Variants in SLC44A5 observed in about 807,000 individuals in gnomAD.
The protein encoded by SLC44A5 is solute carrier family 44 member 5.
Under a neutral mutation model 101.8 loss-of-function variants are expected in SLC44A5, and 57 were observed. The observed-to-expected ratio is 0.56, with a 90% CI of 0.45 to 0.70. SLC44A5 has a LOEUF of 0.70. Among genes scored for constraint, SLC44A5 ranks in the 30% least tolerant of loss-of-function variants. The pLI is 0.00. For missense variants in SLC44A5, 737 were observed against 853.1 expected (o/e 0.86, Z 1.70); for synonymous variants, 281 against 290.9 (o/e 0.97, Z 0.35).
intron 2 of SLC44A5, among the ~76,000 whole-genome samples, chr1:75,437,772 A>G (rs1026444005): frequency 2.6e-4 from 39 of 152,136 alleles, no homozygotes; most frequent in African/African-American, 9.4e-4. Flanking sequence ...TAAGCTTCTG[A>G]AAATTTACCA....
chr1:75,448,901 C>CGT (rs1460140722), intron 2 of SLC44A5, among the ~76,000 whole-genome samples: 1 of 152,168 alleles, frequency 6.6e-6, no homozygotes, highest in Non-Finnish European at 1.5e-5. Context: ...TTCCTCTAGT[C>CGT]TCACCTCTCA....
At chr1:75,428,986 T>C (rs955383782) in intron 2 of SLC44A5, among the ~76,000 whole-genome samples, 10 of 152,202 alleles carry the variant, frequency 6.6e-5, no homozygotes, top group African/African-American at 2.4e-4. Context: ...ATACATTATT[T>C]TGCATGCAGT....
chr1:75,284,919 T>G (rs1456583765), intron 5 of SLC44A5, among the ~76,000 whole-genome samples: 6 of 152,158 alleles, frequency 3.9e-5, no homozygotes, highest in African/African-American at 1.4e-4. Context: ...GTCAGTGTTT[T>G]GTTGAGGATT....
intron 12 of SLC44A5, among the ~76,000 whole-genome samples, chr1:75,231,744 T>C (rs1335518653): frequency 6.6e-6 from 1 of 152,172 alleles, no homozygotes; most frequent in Non-Finnish European, 1.5e-5. Flanking sequence ...TTGCAGAGGA[T>C]CATACAGTTA....
At position 75,395,960 on chromosome 1, in the gene SLC44A5, A is replaced by T. The variant is rs566780852; in HGVS notation, c.52+623T>A. On this transcript the variant is annotated intron_variant, in intron 3 of 23. Transcript: ENST00000370859. ...CAGGGGCAATGAGATTGCACAAAGGAAGAGAAATTCTTGAAGCCAGTGCTG... is the reference window on the plus strand; with the variant it reads ...CAGGGGCAATGAGATTGCACAAAGGTAGAGAAATTCTTGAAGCCAGTGCTG... Among the ~76,000 whole-genome samples, 4 of 152,286 alleles carry T rather than the reference A, an allele frequency of 2.6e-5. No homozygotes were observed. In the South Asian group the frequency reaches 8.3e-4, roughly 32 times the overall value.
At chr1:75,215,923 A>G (rs1570375581) in intron 18 of SLC44A5, 66 bp from the exon 19 acceptor site, 1 of 820,952 alleles carries the variant, frequency 1.2e-6, no homozygotes. Flanking sequence ...CAAAATAAAT[A>G]TAATACAACA....
chr1:75,485,677 G>C (rs1000940333), intron 2 of SLC44A5, among the ~76,000 whole-genome samples: 3 of 152,076 alleles, frequency 2.0e-5, no homozygotes, highest in African/African-American at 7.2e-5. Context: ...CAAACTCCCA[G>C]TACCAATTTT....
intron 1 of SLC44A5, among the ~76,000 whole-genome samples, chr1:75,570,104 G>T (rs969263324): frequency 1.3e-5 from 2 of 152,194 alleles, no homozygotes; most frequent in African/African-American, 4.8e-5. Flanking sequence ...GATGGGAGGG[G>T]ACATTCTCTG....
Position 75,327,871 on chromosome 1 carries a change from T to C in SLC44A5, c.101+11711A>G, listed in dbSNP as rs371363616. 2.8e-4 allele frequency among the ~76,000 whole-genome samples: 43 copies of C among 152,364 alleles called. 1 individual carries two copies. In the East Asian group the frequency reaches 3.3e-3, roughly 12 times the overall value. The stretch of plus-strand genomic sequence containing the variant: ...AGGACTCTTCCAGTCTTTGCCTTTA[T>C]GCCTCCTGATAAGCTCTTTCTTTGC... On this transcript the variant is annotated intron_variant, in intron 4 of 23. Transcript: ENST00000370859.
the SLC44A5 span, among the ~76,000 whole-genome samples, chr1:75,669,859 T>A: frequency 6.6e-6 from 1 of 152,220 alleles, no homozygotes; most frequent in Non-Finnish European, 1.5e-5. Context: ...ATCTTTCACC[T>A]TCATAGATGA....
intron 2 of SLC44A5, among the ~76,000 whole-genome samples, chr1:75,459,123 T>C (rs1469054639): frequency 6.6e-6 from 1 of 152,100 alleles, no homozygotes. Flanking sequence ...GGCCCAAGGA[T>C]AGAGAAAGAT....
At chr1:75,663,007 G>A in the SLC44A5 span, among the ~76,000 whole-genome samples, 1 of 152,112 alleles carries the variant, frequency 6.6e-6, no homozygotes, top group Non-Finnish European at 1.5e-5. Context: ...AGTTCCCAAA[G>A]TAATACATGA....
chr1:75,374,993 C>T (rs558643496), intron 3 of SLC44A5, among the ~76,000 whole-genome samples: 2 of 152,276 alleles, frequency 1.3e-5, no homozygotes, highest in Admixed American at 1.3e-4. Context: ...ATCTCTCCAG[C>T]AATGGATCCT....
At chr1:75,387,219 T>C (rs1295147375) in intron 3 of SLC44A5, among the ~76,000 whole-genome samples, 6 of 152,118 alleles carry the variant, frequency 3.9e-5, no homozygotes, top group East Asian at 3.9e-4. Context: ...TGGGATCTAA[T>C]TAAACTAAAG....
chr1:75,362,147 A>G, intron 3 of SLC44A5, among the ~76,000 whole-genome samples: 1 of 151,918 alleles, frequency 6.6e-6, no homozygotes, highest in East Asian at 1.9e-4. Context: ...GTTATCAGTT[A>G]TAATGTTCTC....
At chr1:75,339,309 T>C (rs544411805) in intron 4 of SLC44A5, among the ~76,000 whole-genome samples, 52 of 150,552 alleles carry the variant, frequency 3.5e-4, no homozygotes, top group Admixed American at 2.6e-4. Context: ...CATAAAGCAT[T>C]TTTTTTCACT....
At chr1:75,339,200 G>A (rs150033211) in intron 4 of SLC44A5, among the ~76,000 whole-genome samples, 1 of 152,204 alleles carries the variant, frequency 6.6e-6, no homozygotes, top group Non-Finnish European at 1.5e-5. Context: ...GAAGAAGTTG[G>A]CATGGCAACT....
intron 1 of SLC44A5, among the ~76,000 whole-genome samples, chr1:75,543,618 C>T (rs1671478592): frequency 6.9e-6 from 1 of 145,636 alleles, no homozygotes. Context: ...TACACACACA[C>T]ATATATATAC....
chr1:75,397,576 C>T (rs1424489363), intron 2 of SLC44A5, among the ~76,000 whole-genome samples: 1 of 152,148 alleles, frequency 6.6e-6, no homozygotes, highest in Non-Finnish European at 1.5e-5. Flanking sequence ...CTTTTGAACA[C>T]TTACTATGCA....
Sources: allele counts gnomAD v4.1 joint callset (sites outside exome capture counted in the v4.1 genomes callset), GRCh38; gene constraint gnomAD v4.1.1; transcripts MANE v1.5; gene names NCBI Gene and HGNC (gene_info 2026-07-23, HGNC 2026-07-21).